The following CEP128 variants were observed in gnomAD, a reference collection of about 807,000 sequenced individuals.
The protein encoded by CEP128 is centrosomal protein 128.
CEP128 carries 132 observed loss-of-function variants against 156.7 expected under a neutral mutation model. That is an observed-to-expected ratio of 0.84 (90% confidence interval 0.73 to 0.97). The LOEUF (loss-of-function observed/expected upper bound fraction) is 0.97, where lower values mean the gene tolerates loss of function less well. Ranked by LOEUF, CEP128 falls within the 50% of genes least tolerant of loss-of-function variation. CEP128 has a pLI of 0.00. For synonymous variants in CEP128, 469 were observed against 448.9 expected (o/e 1.04, Z -0.57); for missense variants, 1,252 against 1,281.9 (o/e 0.98, Z 0.36).
intron 14 of CEP128, among the ~76,000 whole-genome samples, chr14:80,482,563 C>G (rs1427789433): frequency 1.3e-5 from 2 of 152,184 alleles, no homozygotes; most frequent in African/African-American, 4.8e-5. Context: ...CTGGCACCAT[C>G]TAACTATAGC....
intron 2 of CEP128, chr14:80,955,831 C>T (rs752234113): frequency 6.2e-7 from 1 of 1,614,234 alleles, no homozygotes; most frequent in African/African-American, 1.3e-5. Context: ...CCCCAGCTTA[C>T]CGCCCAGTAC....
intron 14 of CEP128, among the ~76,000 whole-genome samples, chr14:80,479,243 G>A (rs549657604): frequency 6.6e-6 from 1 of 152,312 alleles, no homozygotes; most frequent in African/African-American, 2.4e-5. Flanking sequence ...TAAAAAGGAG[G>A]TGGAGGGTGG....
chr14:80,505,301 T>C (rs569749267), intron 23 of CEP128, among the ~76,000 whole-genome samples: 4 of 152,360 alleles, frequency 2.6e-5, no homozygotes, highest in African/African-American at 9.6e-5. Context: ...CTTAAACTTA[T>C]GCTATAAACA....
At chr14:80,898,579 CT>C in intron 7 of CEP128, among the ~76,000 whole-genome samples, 1 of 152,308 alleles carries the variant, frequency 6.6e-6, no homozygotes, top group South Asian at 2.1e-4. Context: ...GCAACTTCCC[CT>C]GAATCTTCTT....
chr14:80,657,678 G>C (rs1895233833), intron 19 of CEP128, among the ~76,000 whole-genome samples: 1 of 151,942 alleles, frequency 6.6e-6, no homozygotes, highest in African/African-American at 2.4e-5. Context: ...CCACCTCTCA[G>C]GGGGATAACA....
intron 19 of CEP128, among the ~76,000 whole-genome samples, chr14:80,616,861 A>G (rs186185141): frequency 6.6e-6 from 1 of 152,356 alleles, no homozygotes; most frequent in African/African-American, 2.4e-5. Context: ...TTTAAAAACA[A>G]AAAAAGAGAA....
chr14:80,534,783 C>G (rs140855034), intron 21 of CEP128, among the ~76,000 whole-genome samples: 73 of 145,196 alleles, frequency 5.0e-4, no homozygotes, highest in African/African-American at 1.8e-3. Context: ...CCAGATCACA[C>G]CACTGCACTC....
At chr14:80,533,757 G>A (rs1324608504) in intron 21 of CEP128, among the ~76,000 whole-genome samples, 1 of 151,464 alleles carries the variant, frequency 6.6e-6, no homozygotes, top group Non-Finnish European at 1.5e-5. Context: ...TTCCATTTAT[G>A]CATTGCTTAT....
chr14:80,504,339 GCTT>G (rs1288882173), intron 24 of CEP128, among the ~76,000 whole-genome samples: 1 of 152,130 alleles, frequency 6.6e-6, no homozygotes, highest in African/African-American at 2.4e-5. Flanking sequence ...AAACTGTGAA[GCTT>G]CTTTAAGGAA....
chr14:80,742,658 A>T (rs1018344969), intron 19 of CEP128: 60 of 163,210 alleles, frequency 3.7e-4, no homozygotes, highest in Non-Finnish European at 5.4e-4. Context: ...AACATAAGCT[A>T]AATAAGGGTA....
chr14:80,700,586 G>GGAAA (rs1897042849), intron 19 of CEP128, among the ~76,000 whole-genome samples: 2 of 152,082 alleles, frequency 1.3e-5, no homozygotes, highest in Non-Finnish European at 2.9e-5. Flanking sequence ...TTTTAAATCA[G>GGAAA]TAACTTTTCC....
intron 9 of CEP128, among the ~76,000 whole-genome samples, chr14:80,847,093 T>C (rs1040113927): frequency 6.6e-6 from 1 of 152,284 alleles, no homozygotes. Flanking sequence ...CCAAGGTCTC[T>C]TCAGAATTCT....
intron 19 of CEP128, among the ~76,000 whole-genome samples, chr14:80,649,411 T>C (rs1894799039): frequency 6.6e-6 from 1 of 151,966 alleles, no homozygotes; most frequent in East Asian, 1.9e-4. Context: ...TTGATATTAA[T>C]GCAATGGAGA....
At chr14:80,798,020 C>T (rs778915176) in intron 13 of CEP128, among the ~76,000 whole-genome samples, 128 of 152,228 alleles carry the variant, frequency 8.4e-4, no homozygotes, top group Middle Eastern at 3.4e-3. Context: ...GGTTAAATTT[C>T]ATATCACTTA....
intron 19 of CEP128, among the ~76,000 whole-genome samples, chr14:80,581,733 A>T (rs902756362): frequency 6.6e-6 from 1 of 152,176 alleles, no homozygotes; most frequent in Non-Finnish European, 1.5e-5. Context: ...GTATTTTTAA[A>T]GGGGTTTTGA....
chr14:80,703,324 A>T (rs1053826750), intron 19 of CEP128, among the ~76,000 whole-genome samples: 1 of 152,060 alleles, frequency 6.6e-6, no homozygotes, highest in Non-Finnish European at 1.5e-5. Flanking sequence ...CTTCCATCAG[A>T]CTGCATTATC....
At chr14:80,643,369 G>T (rs1894500911) in intron 19 of CEP128, among the ~76,000 whole-genome samples, 1 of 152,172 alleles carries the variant, frequency 6.6e-6, no homozygotes, top group African/African-American at 2.4e-5. Context: ...AGCAGGGACA[G>T]CTGGGAGGCC....
At chr14:80,912,523 C>T (rs1884300431) in intron 4 of CEP128, among the ~76,000 whole-genome samples, 1 of 152,136 alleles carries the variant, frequency 6.6e-6, no homozygotes, top group African/African-American at 2.4e-5. Context: ...AGCAAAGACT[C>T]AATTCCCATT....
downstream of CEP128, among the ~76,000 whole-genome samples, chr14:80,493,896 A>C (rs374940011): frequency 5.6e-4 from 85 of 152,340 alleles, 1 homozygote; most frequent in African/African-American, 1.9e-3. Flanking sequence ...GTTTCACCAA[A>C]GAGCAGATTG....
Sources: gnomAD v4.1 joint callset for allele counts (sites outside exome capture counted in the v4.1 genomes callset) on GRCh38, gnomAD v4.1.1 for gene constraint, MANE v1.5 for transcripts, NCBI Gene and HGNC (gene_info 2026-07-23, HGNC 2026-07-21) for gene names.